Variants in PYROXD2 observed in about 807,000 individuals in gnomAD.
PYROXD2 encodes pyridine nucleotide-disulphide oxidoreductase domain 2.
PYROXD2 carries 69 observed loss-of-function variants against 71.1 expected under a neutral mutation model. That is an observed-to-expected ratio of 0.97 (90% CI 0.80 to 1.19). The LOEUF (loss-of-function observed/expected upper bound fraction) is 1.19. PYROXD2 is among the 50% of genes most tolerant of loss of function. The pLI is 0.00. For missense variants in PYROXD2, 745 were observed against 748.9 expected (o/e 0.99, Z 0.06); for synonymous variants, 287 against 302.7 (o/e 0.95, Z 0.54).
At chr10:98,410,802 CAG>C (rs1424527850) in intron 2 of PYROXD2, 135 bp downstream of exon 2, 3 of 1,311,178 alleles carry the variant, frequency 2.3e-6, no homozygotes, top group Non-Finnish European at 3.2e-6. Flanking sequence ...CACTGGAGAG[CAG>C]AGAGCATCGA....
rs1003051301 is a variant in PYROXD2 at position 98,383,630 on chromosome 10, G to A, written c.*168C>T. ...TCCATGTATGGAGGCATGGGCATAA[G>A]GTCAACTTGCACTAAATGTAACTCG... On this transcript the variant is annotated 3_prime_UTR_variant, in exon 16 of 16. Coordinates refer to ENST00000370575, the MANE Select transcript of PYROXD2 (RefSeq NM_032709.3). 2 of 685,274 alleles carry A rather than the reference G, an allele frequency of 2.9e-6. No homozygotes were observed. The highest frequency in any genetic ancestry group is 5.3e-6 in the Non-Finnish European group (2 of 376,116). The allele number at this position is 685,274 out of a possible 1,614,324, so 42.4% of individuals were successfully genotyped here.
chr10:98,412,500 C>A (rs1050966462), intron 1 of PYROXD2, among the ~76,000 whole-genome samples: 3 of 152,116 alleles, frequency 2.0e-5, no homozygotes, highest in African/African-American at 7.2e-5. Flanking sequence ...AGACACCTCC[C>A]GCCCTCAGAA....
chr10:98,407,915 T>C lies in PYROXD2; in HGVS notation c.230A>G (p.Glu77Gly), dbSNP rs1564810531. Residue 77 changes from glutamate (E) to glycine (G), a missense_variant, in exon 3 of 16, where the codon GAG (glutamate) becomes GGG (glycine). Transcript: ENST00000370575. ...ACATCAGAGCTCACCTGGGATGATC[T>C]CCTCAGTGACAGCTGCACCCCCGAT... The part of the protein sequence containing the change: ...HVIGGAAVTE[E>G]IIPGFKFSRA... 6.2e-7 allele frequency: 1 copy of C among 1,608,208 alleles called. No individual in the cohort carries two copies. Among genetic ancestry groups the C allele is most frequent in the Non-Finnish European group, 8.5e-7 (1 of 1,177,790 alleles).
chr10:98,389,111 T>G (rs1385990907), intron 12 of PYROXD2, among the ~76,000 whole-genome samples: 1 of 152,174 alleles, frequency 6.6e-6, no homozygotes, highest in Admixed American at 6.5e-5. Flanking sequence ...CTCGCTGAAC[T>G]CGGATGTCCA....
At chr10:98,394,236 ATCACAAACGGAGCACTGG>A (rs1564798171) in intron 8 of PYROXD2, among the ~76,000 whole-genome samples, 1 of 152,146 alleles carries the variant, frequency 6.6e-6, no homozygotes, top group Non-Finnish European at 1.5e-5. Flanking sequence ...TTACTTAAAG[ATCACAAACGGAGCACTGG>A]TTAAGCCTCC....
intron 1 of PYROXD2, chr10:98,411,231 G>A: frequency 2.1e-6 from 1 of 485,120 alleles, no homozygotes; most frequent in Non-Finnish European, 3.6e-6. Context: ...TGGAGTGAGG[G>A]GCTCATGAGA....
At chr10:98,389,321 C>T (rs2135931312) in intron 12 of PYROXD2, among the ~76,000 whole-genome samples, 1 of 152,298 alleles carries the variant, frequency 6.6e-6, no homozygotes, top group Admixed American at 6.5e-5. Context: ...AGTCTTCCAA[C>T]ACTTCTCATC....
chr10:98,393,958 T>C (rs1843047611), intron 8 of PYROXD2, among the ~76,000 whole-genome samples: 1 of 151,954 alleles, frequency 6.6e-6, no homozygotes, highest in Admixed American at 6.6e-5. Context: ...CTGAAGCCCC[T>C]CCCTCCCTCA....
chr10:98,395,050 G>A (rs1249279750), intron 8 of PYROXD2, 146 bp downstream of exon 8: 16 of 692,944 alleles, frequency 2.3e-5, no homozygotes, highest in South Asian at 1.0e-4. Flanking sequence ...TAAGTGGATC[G>A]TGTGTGATGT....
intron 1 of PYROXD2, chr10:98,411,664 C>T (rs1250389161): frequency 2.0e-5 from 3 of 152,140 alleles, no homozygotes; most frequent in Non-Finnish European, 4.4e-5. Context: ...CACACCAAGC[C>T]CCTGGGTAGC....
chr10:98,391,565 T>A (rs1165662628), intron 10 of PYROXD2, among the ~76,000 whole-genome samples: 1 of 152,064 alleles, frequency 6.6e-6, no homozygotes, highest in East Asian at 1.9e-4. Context: ...GGTAAGTCAA[T>A]TGCAAAAACT....
intron 8 of PYROXD2, among the ~76,000 whole-genome samples, chr10:98,393,369 C>G (rs541322801): frequency 6.6e-6 from 1 of 152,230 alleles, no homozygotes; most frequent in Non-Finnish European, 1.5e-5. Flanking sequence ...CGGTGTCCAG[C>G]TACCCACAGA....
Position 98,394,903 on chromosome 10 carries a change from C to T in PYROXD2, c.785+293G>A, listed in dbSNP as rs530167642. The stretch of plus-strand genomic sequence containing the variant: ...GGCTTTTCTTAGTGAAGCAGTAGGG[C>T]ACAGTCACTAAAAAGGAAGATTTTG... On this transcript the variant is annotated intron_variant, in intron 8 of 15. Coordinates refer to ENST00000370575, the MANE Select transcript of PYROXD2 (RefSeq NM_032709.3). 5.3e-5 allele frequency among the ~76,000 whole-genome samples: 8 copies of T among 152,132 alleles called. No homozygotes were observed. In the South Asian group the frequency reaches 1.5e-3, roughly 28 times the overall value.
intron 4 of PYROXD2, 147 bp downstream of exon 4, chr10:98,407,435 C>T (rs1843635072): frequency 2.3e-6 from 2 of 888,294 alleles, no homozygotes; most frequent in Middle Eastern, 2.8e-4. Flanking sequence ...AGCAGGGAGA[C>T]CACGTGGGAT....
chr10:98,400,314 C>T, intron 4 of PYROXD2, 57 bp from the exon 5 acceptor site: 1 of 1,508,914 alleles, frequency 6.6e-7, no homozygotes, highest in Non-Finnish European at 9.0e-7. Flanking sequence ...CTCTGCCCAT[C>T]ATCTTTCTCC....
At chr10:98,401,253 C>CAAAAAAAAAA (rs751517406) in intron 4 of PYROXD2, among the ~76,000 whole-genome samples, 20 of 45,528 alleles carry the variant, frequency 4.4e-4, no homozygotes, top group African/African-American at 1.7e-3. Flanking sequence ...GACTCTGTCT[C>CAAAAAAAAAA]AAAAAAAAAA....
At chr10:98,402,387 C>G (rs954770465) in intron 4 of PYROXD2, among the ~76,000 whole-genome samples, 4 of 152,188 alleles carry the variant, frequency 2.6e-5, no homozygotes, top group African/African-American at 9.6e-5. Context: ...AAGACACAAT[C>G]AAGCAATGGT....
At chr10:98,404,615 G>A (rs1046889284) in intron 4 of PYROXD2, among the ~76,000 whole-genome samples, 1 of 152,132 alleles carries the variant, frequency 6.6e-6, no homozygotes, top group African/African-American at 2.4e-5. Flanking sequence ...TTTACCCCAT[G>A]AGAGTTCTCA....
At chr10:98,402,261 G>A (rs1383082445) in intron 4 of PYROXD2, among the ~76,000 whole-genome samples, 1 of 152,168 alleles carries the variant, frequency 6.6e-6, no homozygotes, top group Non-Finnish European at 1.5e-5. Context: ...ATTTGTCCCA[G>A]GTCACTTTAG....
Sources: allele counts gnomAD v4.1 joint callset (sites outside exome capture counted in the v4.1 genomes callset), GRCh38; gene constraint gnomAD v4.1.1; transcripts MANE v1.5; gene names NCBI Gene and HGNC (gene_info 2026-07-23, HGNC 2026-07-21).